PITPNC1: variants seen among roughly 807,000 people sequenced by gnomAD.
The protein encoded by PITPNC1 is cytoplasmic phosphatidylinositol transfer protein 1.
A neutral mutation model predicts 44.7 loss-of-function variants in PITPNC1; 18 were observed. The observed-to-expected ratio is 0.40, with a 90% CI of 0.28 to 0.60. PITPNC1 has a LOEUF of 0.60. Ranked by LOEUF, PITPNC1 falls within the 20% of genes least tolerant of loss-of-function variation. The probability of loss-of-function intolerance (pLI) is 0.39; values close to 1 mark genes in which losing one functional copy is unlikely to be tolerated. For missense variants in PITPNC1, 290 were observed against 418.4 expected (o/e 0.69, Z 2.68); for synonymous variants, 141 against 149.6 (o/e 0.94, Z 0.42).
intron 1 of PITPNC1, among the ~76,000 whole-genome samples, chr17:67,501,309 A>G (rs2040026761): frequency 6.6e-6 from 1 of 152,088 alleles, no homozygotes; most frequent in South Asian, 2.1e-4. Context: ...CCCCAAAAAT[A>G]CACTTTCATC....
chr17:67,624,900 C>G (rs910516871), intron 5 of PITPNC1, among the ~76,000 whole-genome samples: 2 of 152,142 alleles, frequency 1.3e-5, no homozygotes, highest in Non-Finnish European at 2.9e-5. Flanking sequence ...TTGTAAGACA[C>G]TTGATACTTA....
intron 1 of PITPNC1, among the ~76,000 whole-genome samples, chr17:67,481,058 T>C (rs1286285114): frequency 6.6e-6 from 1 of 152,044 alleles, no homozygotes; most frequent in African/African-American, 2.4e-5. Context: ...AATACAAAAA[T>C]TAGCTGGGCG....
At chr17:67,431,071 T>TC (rs1348633324) in intron 1 of PITPNC1, among the ~76,000 whole-genome samples, 2 of 150,584 alleles carry the variant, frequency 1.3e-5, no homozygotes, top group Non-Finnish European at 1.5e-5. Flanking sequence ...TCTTTTTTTT[T>TC]TTTTTGCGAT....
intron 2 of PITPNC1, among the ~76,000 whole-genome samples, chr17:67,549,865 C>T (rs904987556): frequency 2.6e-5 from 4 of 152,122 alleles, no homozygotes; most frequent in Admixed American, 6.5e-5. Flanking sequence ...GGAGATTCTC[C>T]AACCCTGAGT....
chr17:67,607,229 G>A (rs1250800947), intron 5 of PITPNC1, among the ~76,000 whole-genome samples: 1 of 152,144 alleles, frequency 6.6e-6, no homozygotes, highest in Non-Finnish European at 1.5e-5. Flanking sequence ...GCAAGATGGT[G>A]CTTTTCTGAC....
chr17:67,687,123 T>A (rs776954094), intron 8 of PITPNC1: 20 of 1,612,374 alleles, frequency 1.2e-5, no homozygotes, highest in Middle Eastern at 3.3e-4. Flanking sequence ...CAAACCAACA[T>A]AAAAGTTTGC....
chr17:67,644,801 T>C (rs1440500347), intron 6 of PITPNC1, among the ~76,000 whole-genome samples: 2 of 152,184 alleles, frequency 1.3e-5, no homozygotes, highest in African/African-American at 4.8e-5. Flanking sequence ...CATCAGCCCC[T>C]GCTGTTTTTA....
Position 67,647,463 on chromosome 17 carries a change from G to GTTTTTTTTTT in PITPNC1, c.462+15225_462+15226insTTTTTTTTTT, listed in dbSNP as rs1567757487. 7.7e-4 allele frequency among the ~76,000 whole-genome samples: 70 copies of GTTTTTTTTTT among 90,592 alleles called. 3 individuals are homozygous for GTTTTTTTTTT. Among genetic ancestry groups the GTTTTTTTTTT allele is most frequent in the African/African-American group, 3.4e-3 (67 of 19,930 alleles). 59.4% of individuals were successfully genotyped at this position (90,592 alleles called of 152,430 possible). ...ACACCATCACACCCAGCTAATTTTG[G>GTTTTTTTTTT]GTTTTTTTTTTTTTTTTTTTTTTTT... On this transcript the variant is annotated intron_variant, in intron 6 of 8. Coordinates refer to ENST00000581322, the MANE Select transcript of PITPNC1 (RefSeq NM_012417.4).
At chr17:67,404,688 A>G (rs1001734873) in intron 1 of PITPNC1, among the ~76,000 whole-genome samples, 4 of 152,234 alleles carry the variant, frequency 2.6e-5, no homozygotes, top group Admixed American at 1.3e-4. Flanking sequence ...AAAGTAAAAC[A>G]TATTTAATAT....
At chr17:67,640,068 G>C (rs2042075823) in intron 6 of PITPNC1, among the ~76,000 whole-genome samples, 1 of 151,574 alleles carries the variant, frequency 6.6e-6, no homozygotes. Context: ...ACTTGGTTGT[G>C]CTGTTATTAT....
At chr17:67,483,141 G>A (rs1470836584) in intron 1 of PITPNC1, among the ~76,000 whole-genome samples, 1 of 152,130 alleles carries the variant, frequency 6.6e-6, no homozygotes, top group Non-Finnish European at 1.5e-5. Flanking sequence ...TAAACCCCAG[G>A]TCCTTTCTGG....
chr17:67,406,589 T>C (rs888019241), intron 1 of PITPNC1, among the ~76,000 whole-genome samples: 8 of 106,102 alleles, frequency 7.5e-5, no homozygotes, highest in Admixed American at 5.8e-4. Context: ...ATATTATATA[T>C]AGTTTTTTTT....
intron 1 of PITPNC1, among the ~76,000 whole-genome samples, chr17:67,407,936 C>T (rs1163087231): frequency 1.3e-5 from 2 of 152,040 alleles, no homozygotes; most frequent in Admixed American, 6.6e-5. Flanking sequence ...GCTTGTGAAC[C>T]ACAAAAGGAT....
rs577313525 is a variant in PITPNC1, at chr17:67,547,359, T to C, written c.198-4898T>C. Among the ~76,000 whole-genome samples, 10 of 151,866 alleles carry C rather than the reference T, an allele frequency of 6.6e-5. No individual in the cohort carries two copies. The East Asian group carries it at 1.9e-3, about 29-fold the overall frequency. On this transcript the variant is annotated intron_variant, in intron 2 of 8. Transcript: ENST00000581322. ...GTGAGACCCCATCTCTACCAGAAAA[T>C]TTAAAAATTAGCTGGGTGTGGTGGT...
intron 6 of PITPNC1, among the ~76,000 whole-genome samples, chr17:67,637,195 T>C (rs2042043470): frequency 6.6e-6 from 1 of 152,178 alleles, no homozygotes; most frequent in Non-Finnish European, 1.5e-5. Context: ...GGGACTTTGC[T>C]TTTTTTCTTC....
chr17:67,430,367 A>C (rs1871373417), intron 1 of PITPNC1, among the ~76,000 whole-genome samples: 1 of 151,996 alleles, frequency 6.6e-6, no homozygotes, highest in Non-Finnish European at 1.5e-5. Context: ...ATTAGTCTAT[A>C]ATCCCAGCTA....
chr17:67,694,045 T>C lies in PITPNC1; in HGVS notation c.*1157T>C, dbSNP rs2042972043. 1.3e-5 allele frequency: 2 copies of C among 152,280 alleles called. No homozygotes were observed. Among genetic ancestry groups the C allele is most frequent in the Non-Finnish European group, 2.9e-5 (2 of 68,048 alleles). 9.4% of individuals were successfully genotyped at this position (152,280 alleles called of 1,614,324 possible). A position where few individuals can be genotyped will look rare whatever the true frequency, so the allele number is the denominator to read the frequency against. On this transcript the variant is annotated 3_prime_UTR_variant, in exon 9 of 9. Transcript: ENST00000581322. ...GAGCAGAATTGCTGACTCCTATTTG[T>C]AGAGTGAAAAGGAGGAGTGATAATA...
At chr17:67,469,912 G>C (rs2039491199) in intron 1 of PITPNC1, among the ~76,000 whole-genome samples, 1 of 152,042 alleles carries the variant, frequency 6.6e-6, no homozygotes, top group Non-Finnish European at 1.5e-5. Context: ...ATATATGTGT[G>C]TGTATATGTA....
intron 1 of PITPNC1, among the ~76,000 whole-genome samples, chr17:67,452,200 G>A (rs1309241143): frequency 6.6e-6 from 1 of 150,990 alleles, no homozygotes; most frequent in African/African-American, 2.4e-5. Context: ...TGTATAGACG[G>A]GGGTCTCACT....
Sources: gnomAD v4.1 joint callset for allele counts (sites outside exome capture counted in the v4.1 genomes callset) on GRCh38, gnomAD v4.1.1 for gene constraint, MANE v1.5 for transcripts, NCBI Gene and HGNC (gene_info 2026-07-23, HGNC 2026-07-21) for gene names.